Variants in MCPH1 observed in about 807,000 individuals in gnomAD.
MCPH1 encodes microcephalin.
Under a neutral mutation model 84.5 loss-of-function variants are expected in MCPH1, and 104 were observed. The observed-to-expected ratio is 1.23, with a 90% CI of 1.05 to 1.45. The LOEUF is 1.45. MCPH1 is among the 40% of genes most tolerant of loss of function. MCPH1 has a pLI of 0.00. For missense variants in MCPH1, 1,498 were observed against 1,005.7 expected, an observed-to-expected ratio of 1.49 and a Z score of -6.62; for synonymous variants, 514 against 366.8, an observed-to-expected ratio of 1.40 and a Z score of -4.58.
rs78406495 is a variant in MCPH1 at position 6,527,454 on chromosome 8, A to G, written c.2214+27525A>G. 7.2e-3 allele frequency: 10,314 copies of G among 1,440,252 alleles called. 612 individuals are homozygous for G. The African/African-American group carries it at 0.12, about 17-fold the overall frequency. The allele number at this position is 1,440,252 out of a possible 1,614,324, so 89.2% of individuals were successfully genotyped here. A position where few individuals can be genotyped will look rare whatever the true frequency, so the allele number is the denominator to read the frequency against. On this transcript the variant is annotated intron_variant, in intron 12 of 13. Coordinates refer to ENST00000344683, the MANE Select transcript of MCPH1 (RefSeq NM_024596.5). The stretch of plus-strand genomic sequence containing the variant: ...GAGGTTTCTGACCCTTACACTAGAC[A>G]TGAAGAAACTCACCATTCTGATAAT...
In MCPH1 at chr8:6,648,300, C is replaced by T. The variant is rs553574198; in HGVS notation, c.*5251C>T. On this transcript the variant is annotated 3_prime_UTR_variant, in exon 14 of 14. Coordinates refer to ENST00000344683, the MANE Select transcript of MCPH1 (RefSeq NM_024596.5). ...TTCCATACCTGAGCCTGCTTCTACC[C>T]ACTTTTATTTTTCCCAGGAGTCACG... 6.6e-6 allele frequency: 1 copy of T among 152,378 alleles called. No homozygotes were observed. The highest frequency in any genetic ancestry group is 2.4e-5 in the African/African-American group (1 of 41,576). The allele number at this position is 152,378 out of a possible 1,614,324, so 9.4% of individuals were successfully genotyped here. A position where few individuals can be genotyped will look rare whatever the true frequency, so the allele number is the denominator to read the frequency against.
At chr8:6,628,366 G>C (rs909404172) in intron 13 of MCPH1, among the ~76,000 whole-genome samples, 1 of 150,618 alleles carries the variant, frequency 6.6e-6, no homozygotes, top group African/African-American at 2.4e-5. Context: ...AGCTACTCAG[G>C]AGGCTGAGGC....
chr8:6,617,563 T>TA (rs144865266), intron 12 of MCPH1, among the ~76,000 whole-genome samples: 159 of 152,220 alleles, frequency 1.0e-3, no homozygotes, highest in African/African-American at 3.6e-3. Flanking sequence ...TTCCCCAACT[T>TA]ACGTCTGTCC....
intron 12 of MCPH1, chr8:6,500,165 T>C: frequency 3.8e-6 from 2 of 522,880 alleles, no homozygotes; most frequent in South Asian, 4.2e-5. Context: ...ATTTGACGAT[T>C]AACATCCTCA....
At chr8:6,427,434 C>T (rs1394806804) in intron 3 of MCPH1, among the ~76,000 whole-genome samples, 1 of 152,126 alleles carries the variant, frequency 6.6e-6, no homozygotes, top group African/African-American at 2.4e-5. Context: ...TGAAGTGGCA[C>T]ATTTATGGCT....
At chr8:6,536,105 C>T (rs1177525699) in intron 12 of MCPH1, among the ~76,000 whole-genome samples, 2 of 152,052 alleles carry the variant, frequency 1.3e-5, no homozygotes, top group African/African-American at 4.8e-5. Context: ...TATGTTCTTA[C>T]TCTTGAAGTC....
rs74941550 is a variant in MCPH1 at position 6,536,898 on chromosome 8, C to G, written c.2214+36969C>G. 6.6e-4 allele frequency among the ~76,000 whole-genome samples: 99 copies of G among 150,020 alleles called. 1 individual carries two copies. The East Asian group carries it at 0.018, about 28-fold the overall frequency. On this transcript the variant is annotated intron_variant, in intron 12 of 13. Transcript: ENST00000344683. Reference sequence around the variant, plus strand: ...TCTCTCTTATTTTTACTGGCTGTGACTGAAACCCAGAAATATAGAAACCTG... The same window carrying G: ...TCTCTCTTATTTTTACTGGCTGTGAGTGAAACCCAGAAATATAGAAACCTG...
chr8:6,513,694 C>T (rs764007865), intron 12 of MCPH1: 13 of 1,611,036 alleles, frequency 8.1e-6, no homozygotes, highest in Non-Finnish European at 1.1e-5. Context: ...TTGAGTTCTT[C>T]ACTTGAGAGA....
chr8:6,442,092 T>C lies in MCPH1; in HGVS notation c.606T>C (p.His202=), dbSNP rs1454493582. 1.9e-6 allele frequency: 3 copies of C among 1,613,314 alleles called. No homozygotes were observed. Among genetic ancestry groups the C allele is most frequent in the Admixed American group, 1.7e-5 (1 of 60,016 alleles). Reference sequence around the variant, plus strand: ...CTTCCCAAATGATTCAGCAGTCTCATGATAATCCAAGTAACTCTCTGTGTG... The same window carrying C: ...CTTCCCAAATGATTCAGCAGTCTCACGATAATCCAAGTAACTCTCTGTGTG... The part of the protein sequence containing the change: ...PTSSQMIQQS[H]DNPSNSLCEA... The change falls in exon 7 of 14, where the codon CAT becomes CAC. Residue 202 remains histidine, a synonymous_variant. Transcript: ENST00000344683.
chr8:6,542,129 TG>T (rs1336253545), intron 12 of MCPH1, among the ~76,000 whole-genome samples: 9 of 152,270 alleles, frequency 5.9e-5, no homozygotes, highest in Admixed American at 5.9e-4. Flanking sequence ...CCTTTTTAAA[TG>T]AAACTAGAGC....
chr8:6,428,565 C>T (rs538283842), intron 3 of MCPH1, among the ~76,000 whole-genome samples: 1 of 152,272 alleles, frequency 6.6e-6, no homozygotes, highest in African/African-American at 2.4e-5. Flanking sequence ...TACTTTCTTT[C>T]TCTGTGGATT....
chr8:6,509,182 T>C, intron 12 of MCPH1: 1 of 1,267,236 alleles, frequency 7.9e-7, no homozygotes, highest in Non-Finnish European at 1.1e-6. Context: ...GTTAATGGAC[T>C]AATGCATACT....
intron 9 of MCPH1, among the ~76,000 whole-genome samples, chr8:6,467,046 G>C (rs58946561): frequency 0.012 from 1,829 of 152,106 alleles, 40 homozygotes; most frequent in African/African-American, 0.042. Context: ...ATTCAGAAGG[G>C]GTTAAATACA....
At chr8:6,471,649 C>G (rs1230541840) in intron 9 of MCPH1, among the ~76,000 whole-genome samples, 2 of 152,164 alleles carry the variant, frequency 1.3e-5, no homozygotes, top group East Asian at 1.9e-4. Flanking sequence ...AATTTTTGTT[C>G]CACTTGATCT....
chr8:6,626,848 G>A (rs1024149518), intron 13 of MCPH1: 4 of 985,094 alleles, frequency 4.1e-6, no homozygotes, highest in Non-Finnish European at 3.6e-6. Context: ...CTGTTATCAC[G>A]AAAGGCTGGC....
In MCPH1 at chr8:6,502,950, A is replaced by C. The variant is rs536883872; in HGVS notation, c.2214+3021A>C. 2.2e-5 allele frequency: 18 copies of C among 818,988 alleles called. No homozygotes were observed. In the South Asian group the frequency reaches 3.4e-4, roughly 15 times the overall value. The allele number at this position is 818,988 out of a possible 1,614,324, so 50.7% of individuals were successfully genotyped here. A position where few individuals can be genotyped will look rare whatever the true frequency, so the allele number is the denominator to read the frequency against. The stretch of plus-strand genomic sequence containing the variant: ...TGCAAGTTTAAGTGATAAAGTTTAC[A>C]GGCTCTAATCTGGAGCATGTGGGTC... On this transcript the variant is annotated intron_variant, in intron 12 of 13. Coordinates refer to ENST00000344683, the MANE Select transcript of MCPH1 (RefSeq NM_024596.5).
At chr8:6,423,293 T>C (rs1443897818) in intron 3 of MCPH1, among the ~76,000 whole-genome samples, 2 of 146,918 alleles carry the variant, frequency 1.4e-5, no homozygotes, top group Non-Finnish European at 3.0e-5. Context: ...GCCTCCTGAG[T>C]AGCTGGGACT....
At chr8:6,442,860 A>C (rs1377300942) in intron 7 of MCPH1, among the ~76,000 whole-genome samples, 1 of 152,252 alleles carries the variant, frequency 6.6e-6, no homozygotes, top group Non-Finnish European at 1.5e-5. Flanking sequence ...GCAAGATGGC[A>C]TCAAGATATT....
intron 9 of MCPH1, among the ~76,000 whole-genome samples, chr8:6,467,971 A>G (rs1323602818): frequency 6.6e-6 from 1 of 152,216 alleles, no homozygotes; most frequent in East Asian, 1.9e-4. Context: ...AGCACTAGCC[A>G]GGAAATCCAT....
Sources: allele counts gnomAD v4.1 joint callset (sites outside exome capture counted in the v4.1 genomes callset), GRCh38; gene constraint gnomAD v4.1.1; transcripts MANE v1.5; gene names NCBI Gene and HGNC (gene_info 2026-07-23, HGNC 2026-07-21).